The following GPHN variants were observed in gnomAD, a reference collection of about 807,000 sequenced individuals.
The protein encoded by GPHN is gephyrin.
A neutral mutation model predicts 95.5 loss-of-function variants in GPHN; 17 were observed. The ratio of observed to expected loss-of-function variants is 0.18; its 90% CI spans 0.12 to 0.27. GPHN has a LOEUF of 0.27. Ranked by LOEUF, GPHN falls within the 10% of genes least tolerant of loss-of-function variation. GPHN has a pLI of 1.00. For synonymous variants in GPHN, 320 were observed against 322.5 expected, an observed-to-expected ratio of 0.99 and a Z score of 0.08; for missense variants, 660 against 978.1, an observed-to-expected ratio of 0.67 and a Z score of 4.34.
At chr14:66,988,524 C>T (rs2071181678) in intron 9 of GPHN, among the ~76,000 whole-genome samples, 1 of 151,944 alleles carries the variant, frequency 6.6e-6, no homozygotes, top group Non-Finnish European at 1.5e-5. Context: ...ATAGACTTAA[C>T]TCAGACTCTT....
At chr14:66,722,177 T>G (rs1181644832) in intron 2 of GPHN, among the ~76,000 whole-genome samples, 5 of 152,100 alleles carry the variant, frequency 3.3e-5, no homozygotes, top group Non-Finnish European at 7.4e-5. Context: ...CTTTTAACAT[T>G]GAAAGGATTC....
At chr14:67,515,914 TG>T in the GPHN span, among the ~76,000 whole-genome samples, 1 of 152,258 alleles carries the variant, frequency 6.6e-6, no homozygotes, top group Non-Finnish European at 1.5e-5. Flanking sequence ...CTGAGGCCTA[TG>T]GAAGTTAAGG....
chr14:67,659,737 C>G, the GPHN span: 1 of 1,597,880 alleles, frequency 6.3e-7, no homozygotes, highest in South Asian at 1.1e-5. Context: ...TTACCATATG[C>G]TCATTCTCTA....
chr14:66,606,985 G>A (rs2062565302), intron 1 of GPHN, among the ~76,000 whole-genome samples: 1 of 152,124 alleles, frequency 6.6e-6, no homozygotes, highest in South Asian at 2.1e-4. Context: ...ATGTTGAATA[G>A]GAGTGTTGAG....
At chr14:67,348,521 TTTTTTTA>T in the GPHN span, among the ~76,000 whole-genome samples, 11 of 149,422 alleles carry the variant, frequency 7.4e-5, no homozygotes, top group African/African-American at 2.5e-4. Context: ...GACTTCTTTA[TTTTTTTA>T]TTTTTTATTT....
chr14:67,340,234 T>C, the GPHN span: 5 of 496,476 alleles, frequency 1.0e-5, no homozygotes, highest in Non-Finnish European at 1.4e-5. Context: ...CCTAAGTTTT[T>C]GGAAATGCCA....
In GPHN at chr14:67,164,707, G is replaced by T. The variant is rs145429667; in HGVS notation, c.1911-455G>T. Among the ~76,000 whole-genome samples, 586 of 151,980 alleles carry T rather than the reference G, an allele frequency of 3.9e-3. 2 individuals carry two copies. Among genetic ancestry groups the T allele is most frequent in the African/African-American group, 0.013 (537 of 41,454 alleles). On this transcript the variant is annotated intron_variant, in intron 19 of 22. Transcript: ENST00000478722. ...GGGTTTCACCATGTTGGCCAGGCTG[G>T]TCTCAAACTCCTGACCTCAAGTGAT... is the stretch of plus-strand genomic sequence containing the variant.
At chr14:66,990,025 A>G (rs1236502042) in intron 9 of GPHN, among the ~76,000 whole-genome samples, 5 of 152,260 alleles carry the variant, frequency 3.3e-5, no homozygotes, top group Middle Eastern at 3.4e-3. Context: ...ATAAAGAAAA[A>G]AGGTCCAATT....
chr14:67,277,446 A>G, the GPHN span, among the ~76,000 whole-genome samples: 1 of 152,174 alleles, frequency 6.6e-6, no homozygotes, highest in South Asian at 2.1e-4. Flanking sequence ...ATGACCCAAG[A>G]TGTTTGAGAA....
chr14:67,284,581 A>AC, the GPHN span, among the ~76,000 whole-genome samples: 8 of 143,964 alleles, frequency 5.6e-5, no homozygotes, highest in African/African-American at 2.1e-4. Context: ...AAAAAAAAAA[A>AC]AAAAAAAGGT....
intron 1 of GPHN, among the ~76,000 whole-genome samples, chr14:66,603,756 A>G (rs2062377893): frequency 6.6e-6 from 1 of 152,016 alleles, no homozygotes; most frequent in South Asian, 2.1e-4. Flanking sequence ...TTTGTCACAA[A>G]CAAAATTTTT....
At chr14:67,203,836 C>T in the GPHN span, among the ~76,000 whole-genome samples, 1 of 152,134 alleles carries the variant, frequency 6.6e-6, no homozygotes, top group Non-Finnish European at 1.5e-5. Context: ...CTCAGCCTCC[C>T]GAGTATCTGG....
At chr14:67,053,058 G>GGA (rs1555475559) in intron 10 of GPHN, among the ~76,000 whole-genome samples, 3 of 113,806 alleles carry the variant, frequency 2.6e-5, no homozygotes, top group Non-Finnish European at 5.6e-5. Context: ...GAGCAAAAAA[G>GGA]AAAAAAAAAA....
At chr14:67,280,373 AT>A in the GPHN span, among the ~76,000 whole-genome samples, 1 of 152,186 alleles carries the variant, frequency 6.6e-6, no homozygotes, top group African/African-American at 2.4e-5. Context: ...GTGAAAAAAG[AT>A]ATATTTCTAC....
chr14:66,541,892 C>CAT (rs746828882), intron 1 of GPHN, among the ~76,000 whole-genome samples: 1 of 152,290 alleles, frequency 6.6e-6, no homozygotes, highest in South Asian at 2.1e-4. Context: ...TTGTGTCATT[C>CAT]ATATGCTTTG....
intron 9 of GPHN, among the ~76,000 whole-genome samples, chr14:66,974,200 C>G (rs2070037505): frequency 6.6e-6 from 1 of 152,088 alleles, no homozygotes; most frequent in East Asian, 1.9e-4. Context: ...AAAGGCACTA[C>G]CTAGTATGGG....
chr14:67,073,113 C>G (rs10149600), intron 11 of GPHN, among the ~76,000 whole-genome samples: 51,243 of 151,802 alleles, frequency 0.34, 14,062 homozygotes, highest in African/African-American at 0.74. Context: ...CACAGGACCA[C>G]TCTTTGTGGG....
chr14:67,703,309 G>A, the GPHN span, among the ~76,000 whole-genome samples: 1 of 152,178 alleles, frequency 6.6e-6, no homozygotes, highest in Non-Finnish European at 1.5e-5. Flanking sequence ...AAGGTAGTTC[G>A]ATGGCAGTTT....
At chr14:67,351,911 C>CAAAAAAAAAAAA in the GPHN span, among the ~76,000 whole-genome samples, 1 of 128,118 alleles carries the variant, frequency 7.8e-6, no homozygotes, top group Non-Finnish European at 1.6e-5. Flanking sequence ...GAACCTCTAC[C>CAAAAAAAAAAAA]AAAAAAAAAA....
Sources: gnomAD v4.1 joint callset for allele counts (sites outside exome capture counted in the v4.1 genomes callset) on GRCh38, gnomAD v4.1.1 for gene constraint, MANE v1.5 for transcripts, NCBI Gene and HGNC (gene_info 2026-07-23, HGNC 2026-07-21) for gene names.